The following PPM1G variants were observed in gnomAD, a reference collection of about 807,000 sequenced individuals.
PPM1G encodes protein phosphatase 1G.
Under a neutral mutation model 59.4 loss-of-function variants are expected in PPM1G, and 12 were observed. The observed-to-expected ratio is 0.20, with a 90% CI of 0.13 to 0.33. The LOEUF is 0.33. Among genes scored for constraint, PPM1G ranks in the 10% least tolerant of loss-of-function variants. The pLI is 1.00. For synonymous variants in PPM1G, 245 were observed against 251.9 expected, an observed-to-expected ratio of 0.97 and a Z score of 0.26; for missense variants, 392 against 681.3, an observed-to-expected ratio of 0.58 and a Z score of 4.73.
chr2:27,404,845 G>A (rs967142056), intron 1 of PPM1G, among the ~76,000 whole-genome samples: 3 of 150,826 alleles, frequency 2.0e-5, no homozygotes, highest in Non-Finnish European at 4.4e-5. Flanking sequence ...TCGGGAAGCT[G>A]AGGCAGGAGA....
intron 1 of PPM1G, among the ~76,000 whole-genome samples, chr2:27,392,293 T>TTG (rs1553313463): frequency 3.2e-3 from 297 of 92,726 alleles, no homozygotes; most frequent in Non-Finnish European, 5.0e-3. Context: ...TTTGTTTTTT[T>TTG]TTTTTTTTTT....
In PPM1G at chr2:27,383,469, G is replaced by A; in HGVS notation, c.1098C>T (p.His366=). The A allele has an allele frequency of 6.2e-7, 1 of 1,614,124 alleles. No individual in the cohort carries two copies. Among genetic ancestry groups the A allele is most frequent in the Non-Finnish European group, 8.5e-7 (1 of 1,180,030 alleles). Residue 366 remains histidine, a synonymous_variant, in exon 7 of 10, where the codon CAC becomes CAT. Coordinates refer to ENST00000344034, the MANE Select transcript of PPM1G (RefSeq NM_177983.3). The surrounding 1 kb of genome is among the most constrained non-coding windows in gnomAD (Gnocchi z 5.0). ...CTAGTTCTACTTCATCCTCTGGTTT[G>A]TGATCATAGGACATGTCTAAAGCTT... The part of the protein sequence containing the change: ...AGKALDMSYD[H]KPEDEVELAR...
Position 27,409,583 on chromosome 2 carries a change from G to A in PPM1G, c.-161C>T, listed in dbSNP as rs1023300056. The A allele has an allele frequency of 1.9e-5, 18 of 947,474 alleles. No homozygotes were observed. Among genetic ancestry groups the A allele is most frequent in the Non-Finnish European group, 2.4e-5 (17 of 710,062 alleles). 58.7% of individuals were successfully genotyped at this position (947,474 alleles called of 1,614,324 possible). The stretch of plus-strand genomic sequence containing the variant: ...GCCGGCCAGGAGGCGGTAACGGGAC[G>A]GGAGCTGTGAGGGAGCGGAAGCGGA... On this transcript the variant is annotated 5_prime_UTR_variant, in exon 1 of 10. Coordinates refer to ENST00000344034, the MANE Select transcript of PPM1G (RefSeq NM_177983.3).
chr2:27,385,721 C>T lies in PPM1G; in HGVS notation c.409+26G>A, dbSNP rs748423183. ...AATATTTCTTAAAATGCTGATTTCC[C>T]CTCAAACAAGGGATGCCACACTCAC... On this transcript the variant is annotated intron_variant, in intron 4 of 9. Transcript: ENST00000344034. The surrounding 1 kb of genome is among the most constrained non-coding windows in gnomAD (Gnocchi z 4.1). 1.3e-6 allele frequency: 2 copies of T among 1,591,014 alleles called. No homozygotes were observed. The highest frequency in any genetic ancestry group is 2.3e-5 in the South Asian group (2 of 86,710).
intron 1 of PPM1G, among the ~76,000 whole-genome samples, chr2:27,389,950 A>G (rs1160021031): frequency 6.6e-6 from 1 of 152,210 alleles, no homozygotes; most frequent in Non-Finnish European, 1.5e-5. Flanking sequence ...CCTGGGTGAC[A>G]GAGGGAGACC....
chr2:27,404,158 G>A (rs1663273426), intron 1 of PPM1G, among the ~76,000 whole-genome samples: 1 of 151,866 alleles, frequency 6.6e-6, no homozygotes, highest in Non-Finnish European at 1.5e-5. Context: ...CCACTAATAA[G>A]CCAGCTTCTA....
chr2:27,381,984 G>A, intron 9 of PPM1G, 142 bp downstream of exon 9: 1 of 1,027,110 alleles, frequency 9.7e-7, no homozygotes. Context: ...GGAAATGACA[G>A]AAGGTGGAAC....
intron 1 of PPM1G, among the ~76,000 whole-genome samples, chr2:27,388,602 A>G (rs7594812): frequency 0.47 from 71,599 of 151,634 alleles, 18,598 homozygotes; most frequent in African/African-American, 0.69. Context: ...GAGGACGGCC[A>G]CAGTGGCTCA....
Position 27,409,333 on chromosome 2 carries a change from G to A in PPM1G, c.90C>T (p.Ser30=). The A allele has an allele frequency of 6.5e-7, 1 of 1,545,592 alleles. No homozygotes were observed. Among genetic ancestry groups the A allele is most frequent in the South Asian group, 1.2e-5 (1 of 83,932 alleles). Residue 30 remains serine, a synonymous_variant, in exon 1 of 10, where the codon TCC becomes TCT. Transcript: ENST00000344034. ...TGGAGACGCGCCAGCCTTGCATGGC[G>A]GAGAAGCCGTAGGGCAGCGGCAGGC... ...APRLPLPYGF[S]AMQGWRVSME...
In PPM1G at chr2:27,384,235, G is replaced by T; in HGVS notation, c.826-143C>A. 1 of 1,371,240 alleles carries T rather than the reference G, an allele frequency of 7.3e-7. No individual in the cohort carries two copies. Among genetic ancestry groups the T allele is most frequent in the Non-Finnish European group, 9.9e-7 (1 of 1,012,278 alleles). 84.9% of individuals were successfully genotyped at this position (1,371,240 alleles called of 1,614,324 possible). On this transcript the variant is annotated intron_variant, in intron 5 of 9. Transcript: ENST00000344034. The surrounding 1 kb of genome is among the most constrained non-coding windows in gnomAD (Gnocchi z 4.8). ...CAAGTATATGGTCATGAAAATTGGG[G>T]GGATGGAAAGGGCTAGCATGAGTAC...
chr2:27,383,385 G>A lies in PPM1G; in HGVS notation c.1182C>T (p.Leu394=), dbSNP rs1683688162. The change falls in exon 7 of 10, where the codon CTC becomes CTT. Residue 394 remains leucine, a synonymous_variant. Coordinates refer to ENST00000344034, the MANE Select transcript of PPM1G (RefSeq NM_177983.3). This position sits in a 1 kb window ranked among gnomAD's most constrained non-coding sequence, Gnocchi z 5.0. The part of the protein sequence containing the change: ...VTMDGRVNGG[L]NLSRAIGDHF... ...CCTTACCAATGGCTCTGGAGAGGTT[G>A]AGGCCCCCGTTGACTCGCCCATCCA... The A allele has an allele frequency of 6.2e-7, 1 of 1,614,152 alleles. No homozygotes were observed. The highest frequency in any genetic ancestry group is 8.5e-7 in the Non-Finnish European group (1 of 1,180,026).
chr2:27,392,027 G>A (rs1425101310), intron 1 of PPM1G, among the ~76,000 whole-genome samples: 1 of 151,314 alleles, frequency 6.6e-6, no homozygotes, highest in South Asian at 2.1e-4. Flanking sequence ...CACTGCACCC[G>A]GCCAGGATGT....
chr2:27,401,141 A>G (rs1684169427), intron 1 of PPM1G, among the ~76,000 whole-genome samples: 3 of 152,242 alleles, frequency 2.0e-5, no homozygotes, highest in Admixed American at 2.0e-4. Context: ...TCTAGAAAGA[A>G]GCAAAAGAAC....
At chr2:27,397,528 G>T (rs1305999210) in intron 1 of PPM1G, among the ~76,000 whole-genome samples, 1 of 152,094 alleles carries the variant, frequency 6.6e-6, no homozygotes, top group Non-Finnish European at 1.5e-5. Flanking sequence ...TGCAAGGTTG[G>T]TTTAACATTC....
At chr2:27,393,396 C>CGGCAGT in intron 1 of PPM1G, 2 of 1,413,460 alleles carry the variant, frequency 1.4e-6, no homozygotes, top group Non-Finnish European at 2.0e-6. Flanking sequence ...GCGGCGGCAG[C>CGGCAGT]GGCAGTGGTG....
Position 27,385,181 on chromosome 2 carries a change from T to G in PPM1G, c.410-93A>C. The G allele has an allele frequency of 7.1e-7, 1 of 1,404,504 alleles. No individual in the cohort carries two copies. The highest frequency in any genetic ancestry group is 9.5e-7 in the Non-Finnish European group (1 of 1,052,814). 87.0% of individuals were successfully genotyped at this position (1,404,504 alleles called of 1,614,324 possible). A position where few individuals can be genotyped will look rare whatever the true frequency, so the allele number is the denominator to read the frequency against. On this transcript the variant is annotated intron_variant, in intron 4 of 9. Transcript: ENST00000344034. This position sits in a 1 kb window ranked among gnomAD's most constrained non-coding sequence, Gnocchi z 4.1. ...CTCAACAGCCCTTGCAGCCTCTAAC[T>G]TCCCCACAACCTCCCACTCCCAAGG... is the stretch of plus-strand genomic sequence containing the variant.
chr2:27,401,950 G>A (rs1003467320), intron 1 of PPM1G, among the ~76,000 whole-genome samples: 1 of 152,000 alleles, frequency 6.6e-6, no homozygotes, highest in Non-Finnish European at 1.5e-5. Context: ...TTCATATACT[G>A]TATGGTATAT....
chr2:27,396,684 G>A (rs994282721), intron 1 of PPM1G, among the ~76,000 whole-genome samples: 5 of 151,580 alleles, frequency 3.3e-5, no homozygotes, highest in Middle Eastern at 3.2e-3. Flanking sequence ...GCATGGTGGC[G>A]CATGCCTGTA....
chr2:27,383,281 C>T lies in PPM1G; in HGVS notation c.1201+85G>A. ...ATTAAAGTGCTTTGAAAGGCACAAG[C>T]ACTAGGAAGATTAAAGTTTGCTACT... On this transcript the variant is annotated intron_variant, in intron 7 of 9. Coordinates refer to ENST00000344034, the MANE Select transcript of PPM1G (RefSeq NM_177983.3). This position sits in a 1 kb window ranked among gnomAD's most constrained non-coding sequence, Gnocchi z 5.0. The T allele has an allele frequency of 8.2e-7, 1 of 1,219,322 alleles. No homozygotes were observed. 75.5% of individuals were successfully genotyped at this position (1,219,322 alleles called of 1,614,324 possible).
Sources: allele counts gnomAD v4.1 joint callset (sites outside exome capture counted in the v4.1 genomes callset), GRCh38; gene constraint gnomAD v4.1.1; non-coding constraint Gnocchi (gnomAD v3.1); transcripts MANE v1.5; gene names NCBI Gene and HGNC (gene_info 2026-07-23, HGNC 2026-07-21).